The following ATP10A variants were observed in gnomAD, a reference collection of about 807,000 sequenced individuals.
The protein encoded by ATP10A is phospholipid-transporting ATPase VA.
In ATP10A, 111 loss-of-function variants were observed where a neutral mutation model predicts 147.8. That is an observed-to-expected ratio of 0.75 (90% CI 0.64 to 0.88). The LOEUF (loss-of-function observed/expected upper bound fraction) is 0.88. ATP10A is among the 40% of genes least tolerant of loss of function. ATP10A has a pLI of 0.00. For missense variants in ATP10A, 1,927 were observed against 1,959.0 expected, an observed-to-expected ratio of 0.98 and a Z score of 0.31; for synonymous variants, 875 against 841.6, an observed-to-expected ratio of 1.04 and a Z score of -0.69.
intron 1 of ATP10A, among the ~76,000 whole-genome samples, chr15:25,854,784 G>A (rs1203561324): frequency 6.6e-6 from 1 of 152,164 alleles, no homozygotes; most frequent in African/African-American, 2.4e-5. Flanking sequence ...CAGGCCGGGC[G>A]CAGTGGCTCA....
intron 16 of ATP10A, chr15:25,683,833 C>T (rs1899562068): frequency 3.9e-6 from 1 of 254,048 alleles, no homozygotes; most frequent in Admixed American, 5.1e-5. Flanking sequence ...GGGCTGCTCA[C>T]ATTTCAAGAG....
chr15:25,714,270 G>A (rs1039019565), intron 9 of ATP10A, 29 bp from the exon 10 acceptor site: 5 of 1,594,204 alleles, frequency 3.1e-6, no homozygotes, highest in Non-Finnish European at 4.2e-6. Flanking sequence ...GAAGGCAGGT[G>A]AGGGAACTGC....
chr15:25,702,059 C>T lies in ATP10A; in HGVS notation c.2617G>A (p.Glu873Lys), dbSNP rs1430817429. Residue 873 changes from glutamate to lysine, a missense_variant, in exon 13 of 21, where the codon GAA (glutamate) becomes AAA (lysine). By Grantham distance (56) the Glu-to-Lys change is moderately conservative. Coordinates refer to ENST00000555815, the MANE Select transcript of ATP10A (RefSeq NM_024490.4). Reference sequence around the variant, plus strand: ...GCTTGACGCAATTTAGAAATAGTTTCAGGGACTCCGTCCTGCAGGCGGTCT... The same window carrying T: ...GCTTGACGCAATTTAGAAATAGTTTTAGGGACTCCGTCCTGCAGGCGGTCT... ...IEDRLQDGVP[E>K]TISKLRQAGL... 6.2e-7 allele frequency: 1 copy of T among 1,613,996 alleles called. No individual in the cohort carries two copies. Among genetic ancestry groups the T allele is most frequent in the Non-Finnish European group, 8.5e-7 (1 of 1,179,980 alleles).
intron 5 of ATP10A, among the ~76,000 whole-genome samples, chr15:25,724,989 G>A (rs1039440573): frequency 7.9e-5 from 12 of 152,216 alleles, no homozygotes; most frequent in African/African-American, 1.2e-4. Context: ...ATTTAAAGCA[G>A]GGGTCCCTAA....
chr15:25,726,917 G>A (rs1391015255), intron 4 of ATP10A, among the ~76,000 whole-genome samples: 3 of 150,208 alleles, frequency 2.0e-5, no homozygotes, highest in Non-Finnish European at 3.0e-5. Context: ...AAAAGGAGCC[G>A]GGCGTGGCGG....
At chr15:25,840,991 TG>T (rs1892787041) in intron 1 of ATP10A, among the ~76,000 whole-genome samples, 1 of 152,200 alleles carries the variant, frequency 6.6e-6, no homozygotes, top group African/African-American at 2.4e-5. Flanking sequence ...CAGGATTCAT[TG>T]TTTTGTTAAT....
intron 1 of ATP10A, among the ~76,000 whole-genome samples, chr15:25,825,946 A>C (rs1217381529): frequency 6.6e-6 from 1 of 152,202 alleles, no homozygotes; most frequent in Non-Finnish European, 1.5e-5. Flanking sequence ...TATGATAATA[A>C]TGTCTCATGA....
rs1212126123 is a variant in ATP10A at position 25,735,243 on chromosome 15, G to T, written c.740+813C>A. On this transcript the variant is annotated intron_variant, in intron 3 of 20. Coordinates refer to ENST00000555815, the MANE Select transcript of ATP10A (RefSeq NM_024490.4). ...TGCGTCATGCCCCTGTCACAGCCTT[G>T]TTCTCCAGAAGACCATCCCCAAGGG... 2.6e-5 allele frequency among the ~76,000 whole-genome samples: 4 copies of T among 152,162 alleles called. No individual in the cohort carries two copies. The East Asian group carries it at 7.7e-4, about 29-fold the overall frequency.
At chr15:25,715,927 C>T (rs1455960586) in intron 9 of ATP10A, among the ~76,000 whole-genome samples, 2 of 152,164 alleles carry the variant, frequency 1.3e-5, no homozygotes, top group Non-Finnish European at 2.9e-5. Flanking sequence ...ATCACGCTTC[C>T]GTGCCCCCTA....
chr15:25,851,372 TTTAA>T (rs1893290828), intron 1 of ATP10A, among the ~76,000 whole-genome samples: 1 of 152,074 alleles, frequency 6.6e-6, no homozygotes, highest in African/African-American at 2.4e-5. Context: ...GGTTTTTTTT[TTTAA>T]TTATTATTGT....
At chr15:25,754,678 T>C (rs1188968774) in intron 2 of ATP10A, among the ~76,000 whole-genome samples, 1 of 152,220 alleles carries the variant, frequency 6.6e-6, no homozygotes, top group Non-Finnish European at 1.5e-5. Flanking sequence ...ATTGGATCCC[T>C]AATTTCTCAA....
intron 15 of ATP10A, among the ~76,000 whole-genome samples, chr15:25,689,790 T>C (rs1037974131): frequency 6.6e-6 from 1 of 152,240 alleles, no homozygotes; most frequent in Non-Finnish European, 1.5e-5. Context: ...ACCTTGCATG[T>C]AGAGCCCCAG....
chr15:25,740,251 T>G (rs1887512102), intron 2 of ATP10A, among the ~76,000 whole-genome samples: 1 of 152,264 alleles, frequency 6.6e-6, no homozygotes, highest in African/African-American at 2.4e-5. Context: ...TACTGTTATT[T>G]TTTTTCTATC....
At chr15:25,701,164 G>A (rs1900640999) in intron 13 of ATP10A, among the ~76,000 whole-genome samples, 1 of 152,206 alleles carries the variant, frequency 6.6e-6, no homozygotes, top group African/African-American at 2.4e-5. Context: ...TGGAGTGAGA[G>A]GTCCTAGAGG....
chr15:25,848,230 C>T (rs949955876), intron 1 of ATP10A, among the ~76,000 whole-genome samples: 1 of 152,136 alleles, frequency 6.6e-6, no homozygotes, highest in African/African-American at 2.4e-5. Context: ...GTATTAGCTT[C>T]CCGCTGCGGC....
At chr15:25,777,826 G>T (rs1241494667) in intron 2 of ATP10A, among the ~76,000 whole-genome samples, 2 of 141,824 alleles carry the variant, frequency 1.4e-5, no homozygotes, top group East Asian at 2.0e-4. Context: ...TGCCCAGGCT[G>T]GTCTGGAATT....
rs761410837 is a variant in ATP10A at position 25,862,751 on chromosome 15, G to A, written c.346C>T (p.Leu116Phe). The A allele has an allele frequency of 2.5e-6, 4 of 1,612,168 alleles. No individual in the cohort carries two copies. The East Asian group carries it at 6.7e-5, about 27-fold the overall frequency. ...AAGGCCGTGATGGCCAGGATGAAGA[G>A]CACCGGCGCCAGTGCCAGGCCGGGC... is the stretch of plus-strand genomic sequence containing the variant. ...FQPGLALAPV[L>F]FILAITAFRD... is the part of the protein sequence containing the mutation. Residue 116 changes from leucine to phenylalanine, a missense_variant, in exon 1 of 21, where the codon CTC (leucine) becomes TTC (phenylalanine). By Grantham distance (22) the Leu-to-Phe change is conservative. Transcript: ENST00000555815.
intron 1 of ATP10A, among the ~76,000 whole-genome samples, chr15:25,787,000 T>A (rs982175468): frequency 5.3e-5 from 8 of 152,014 alleles, no homozygotes. Context: ...TATCCTATTA[T>A]GACCCAGGCC....
intron 3 of ATP10A, 42 bp from the exon 4 acceptor site, chr15:25,727,308 T>A (rs1237194925): frequency 6.7e-7 from 1 of 1,501,904 alleles, no homozygotes. Flanking sequence ...GTTGCAGGCC[T>A]GTGCCTCATG....
Sources: gnomAD v4.1 joint callset for allele counts (sites outside exome capture counted in the v4.1 genomes callset) on GRCh38, gnomAD v4.1.1 for gene constraint, MANE v1.5 for transcripts, NCBI Gene and HGNC (gene_info 2026-07-23, HGNC 2026-07-21) for gene names.